TTC28: variants seen among roughly 807,000 people sequenced by gnomAD.
TTC28 encodes the protein tetratricopeptide repeat protein 28.
In TTC28, 61 loss-of-function variants were observed where a neutral mutation model predicts 198.0. The ratio of observed to expected loss-of-function variants is 0.31; its 90% confidence interval spans 0.25 to 0.38. TTC28 has a LOEUF of 0.38. Among genes scored for constraint, TTC28 ranks in the 10% least tolerant of loss-of-function variants. The pLI is 1.00. For synonymous variants in TTC28, 1,171 were observed against 1,297.8 expected, an observed-to-expected ratio of 0.90 and a Z score of 2.10; for missense variants, 2,678 against 3,164.0, an observed-to-expected ratio of 0.85 and a Z score of 3.69.
intron 2 of TTC28, among the ~76,000 whole-genome samples, chr22:28,577,591 T>C (rs770952336): frequency 1.3e-5 from 2 of 152,090 alleles, no homozygotes; most frequent in Non-Finnish European, 2.9e-5. Context: ...ATTACTGTAT[T>C]GGGATCTCTC....
intron 2 of TTC28, among the ~76,000 whole-genome samples, chr22:28,495,931 C>T (rs550647192): frequency 3.9e-5 from 6 of 152,118 alleles, no homozygotes; most frequent in Non-Finnish European, 8.8e-5. Context: ...CAAATCTGCT[C>T]CCATCAATTC....
Position 28,156,985 on chromosome 22 carries a change from A to C in TTC28, c.1441+6107T>G, listed in dbSNP as rs538275960. The stretch of plus-strand genomic sequence containing the variant: ...ATAAAATTAATTTGAAATTAAGAAA[A>C]CACAAAAGATAAATGAAATAAAAGT... On this transcript the variant is annotated intron_variant, in intron 6 of 22. Coordinates refer to ENST00000397906, the MANE Select transcript of TTC28 (RefSeq NM_001145418.2). Among the ~76,000 whole-genome samples the C allele has an allele frequency of 1.6e-4, 24 of 152,344 alleles. No individual in the cohort carries two copies. In the South Asian group the frequency reaches 5.0e-3, roughly 32 times the overall value.
At chr22:28,279,771 C>G (rs1200540079) in intron 5 of TTC28, among the ~76,000 whole-genome samples, 1 of 152,156 alleles carries the variant, frequency 6.6e-6, no homozygotes. Context: ...ATAGCTCTTC[C>G]TAGTCAAACC....
intron 5 of TTC28, among the ~76,000 whole-genome samples, chr22:28,189,564 A>T (rs1163020100): frequency 1.3e-5 from 2 of 150,478 alleles, no homozygotes; most frequent in African/African-American, 4.9e-5. Context: ...TACGCAATGA[A>T]AAAAAAAAAC....
At chr22:28,396,726 G>T (rs1391962846) in intron 2 of TTC28, among the ~76,000 whole-genome samples, 1 of 152,084 alleles carries the variant, frequency 6.6e-6, no homozygotes. Flanking sequence ...AATTTATAAG[G>T]CTGTGGAAGA....
At chr22:28,334,279 C>A in intron 2 of TTC28, among the ~76,000 whole-genome samples, 1 of 151,924 alleles carries the variant, frequency 6.6e-6, no homozygotes, top group Non-Finnish European at 1.5e-5. Flanking sequence ...GGTTCCAAGT[C>A]TTTGCTATTG....
intron 5 of TTC28, among the ~76,000 whole-genome samples, chr22:28,252,635 G>A (rs1472227756): frequency 6.6e-6 from 1 of 152,138 alleles, no homozygotes; most frequent in East Asian, 1.9e-4. Flanking sequence ...TTTTAAAGAT[G>A]TGGATATTAT....
intron 2 of TTC28, among the ~76,000 whole-genome samples, chr22:28,468,594 G>A (rs2048056366): frequency 1.3e-5 from 2 of 151,472 alleles, no homozygotes; most frequent in Admixed American, 6.6e-5. Context: ...CAAGCTGTTG[G>A]CCCACTGCAA....
rs138216996 is a variant in TTC28, at chr22:28,562,378, T to C, written c.381+67174A>G. Among the ~76,000 whole-genome samples, 432 of 152,280 alleles carry C rather than the reference T, an allele frequency of 2.8e-3. 1 individual carries two copies. Among genetic ancestry groups the C allele is most frequent in the South Asian group, 5.8e-3 (28 of 4,822 alleles). ...AAAAGTTATTTTTCTGTTTCTGATG[T>C]GTAAAGGTGAGTTTTAGAGACACTG... On this transcript the variant is annotated intron_variant, in intron 2 of 22. Coordinates refer to ENST00000397906, the MANE Select transcript of TTC28 (RefSeq NM_001145418.2).
chr22:28,174,824 C>T (rs144070117), intron 5 of TTC28, among the ~76,000 whole-genome samples: 1 of 152,138 alleles, frequency 6.6e-6, no homozygotes, highest in East Asian at 1.9e-4. Flanking sequence ...ATATCCAACA[C>T]ATAATCTTGG....
intron 2 of TTC28, among the ~76,000 whole-genome samples, chr22:28,434,983 A>G (rs970930552): frequency 5.3e-5 from 8 of 152,206 alleles, no homozygotes; most frequent in African/African-American, 1.7e-4. Context: ...ATATGGGTGC[A>G]TTCATGAATG....
intron 5 of TTC28, among the ~76,000 whole-genome samples, chr22:28,209,728 A>G (rs1926741690): frequency 6.6e-6 from 1 of 152,222 alleles, no homozygotes; most frequent in Non-Finnish European, 1.5e-5. Flanking sequence ...ATAGCTGAAC[A>G]AAAGGCAGCA....
intron 5 of TTC28, among the ~76,000 whole-genome samples, chr22:28,183,631 A>G (rs1169188582): frequency 6.6e-6 from 1 of 152,136 alleles, no homozygotes; most frequent in Non-Finnish European, 1.5e-5. Flanking sequence ...TCCAGTCAAA[A>G]GCTCAGCATT....
At chr22:28,357,517 C>A (rs968324264) in intron 2 of TTC28, among the ~76,000 whole-genome samples, 7 of 151,806 alleles carry the variant, frequency 4.6e-5, no homozygotes, top group African/African-American at 1.7e-4. Context: ...CACTATGTTG[C>A]CCAGGCTGGT....
chr22:28,350,222 A>G (rs908552658), intron 2 of TTC28, among the ~76,000 whole-genome samples: 2 of 152,190 alleles, frequency 1.3e-5, no homozygotes, highest in Non-Finnish European at 2.9e-5. Context: ...CAGATAAAGT[A>G]TATTTTTTTC....
intron 5 of TTC28, among the ~76,000 whole-genome samples, chr22:28,173,759 C>T (rs1345553555): frequency 1.3e-5 from 2 of 152,134 alleles, no homozygotes; most frequent in Non-Finnish European, 1.5e-5. Flanking sequence ...GTTTAAACTA[C>T]CCAAACTATA....
chr22:28,563,196 A>G (rs768396669), intron 2 of TTC28, among the ~76,000 whole-genome samples: 54 of 152,126 alleles, frequency 3.5e-4, no homozygotes, highest in Non-Finnish European at 5.7e-4. Flanking sequence ...TTAAACTAAC[A>G]TTTTTTTAAA....
intron 12 of TTC28, among the ~76,000 whole-genome samples, chr22:28,090,004 A>G (rs1046318611): frequency 1.8e-4 from 27 of 151,814 alleles, no homozygotes; most frequent in African/African-American, 6.3e-4. Flanking sequence ...TAGGAGATAT[A>G]CCTAATGCTA....
rs1484441072 is a variant in TTC28, at chr22:28,108,020, C to G, written c.1825G>C (p.Glu609Gln). 4 of 1,551,636 alleles carry G rather than the reference C, an allele frequency of 2.6e-6. No homozygotes were observed. Among genetic ancestry groups the G allele is most frequent in the Non-Finnish European group, 3.5e-6 (4 of 1,146,996 alleles). Residue 609 changes from glutamate to glutamine, a missense_variant, in exon 7 of 23, where the codon GAG becomes CAG. Around this residue, in one of 8 missense-constraint regions of TTC28, gnomAD observed 775 missense variants for 845.9 expected, o/e 0.92. Coordinates refer to ENST00000397906, the MANE Select transcript of TTC28 (RefSeq NM_001145418.2). ...TAATAGGGGGCAGCCTGGACATACT[C>G]TCCCCGAGAGCAGTGGAAATTGCCC... Reference protein sequence around the residue: ...NLGNFHCSRGEYVQAAPYYEQ... With the variant: ...NLGNFHCSRGQYVQAAPYYEQ...
Sources: gnomAD v4.1 joint callset for allele counts (sites outside exome capture counted in the v4.1 genomes callset) on GRCh38, gnomAD v4.1.1 for gene constraint, gnomAD v4.1.1 regional missense constraint, MANE v1.5 for transcripts, NCBI Gene and HGNC (gene_info 2026-07-23, HGNC 2026-07-21) for gene names.